Variants in KANSL1 observed in about 807,000 individuals in gnomAD.
The protein encoded by KANSL1 is MLL1/MLL complex subunit KANSL1.
In KANSL1, 22 loss-of-function variants were observed where a neutral mutation model predicts 103.6. The ratio of observed to expected loss-of-function variants is 0.21; its 90% CI spans 0.15 to 0.30. The LOEUF (loss-of-function observed/expected upper bound fraction) is 0.30, where lower values mean the gene tolerates loss of function less well. Among genes scored for constraint, KANSL1 ranks in the 10% least tolerant of loss-of-function variants. The pLI is 1.00. For synonymous variants in KANSL1, 600 were observed against 527.6 expected (o/e 1.14, Z -1.88); for missense variants, 1,337 against 1,399.8 (o/e 0.96, Z 0.72).
intron 2 of KANSL1, among the ~76,000 whole-genome samples, chr17:46,167,805 G>A (rs2532281): frequency 6.6e-6 from 1 of 152,148 alleles, no homozygotes; most frequent in Middle Eastern, 3.2e-3. Context: ...TCTATAGCTA[G>A]CATGTACCAA....
intron 1 of KANSL1, chr17:46,223,188 G>C (rs2048584225): frequency 6.6e-6 from 1 of 151,568 alleles, no homozygotes; most frequent in Non-Finnish European, 1.5e-5. Flanking sequence ...TAAACCAGCA[G>C]GTCTTAGAAT....
At chr17:46,144,153 T>C (rs2044574330) in intron 2 of KANSL1, among the ~76,000 whole-genome samples, 1 of 152,230 alleles carries the variant, frequency 6.6e-6, no homozygotes, top group Non-Finnish European at 1.5e-5. Context: ...CTACTATCAT[T>C]CTGAAGGAAG....
At chr17:46,164,254 C>A (rs1183193934) in intron 2 of KANSL1, among the ~76,000 whole-genome samples, 3 of 152,260 alleles carry the variant, frequency 2.0e-5, no homozygotes, top group African/African-American at 7.2e-5. Flanking sequence ...GCAACTATAT[C>A]TACGGTAAAT....
chr17:46,065,490 G>A (rs1199458929), intron 6 of KANSL1, among the ~76,000 whole-genome samples: 1 of 152,158 alleles, frequency 6.6e-6, no homozygotes, highest in Non-Finnish European at 1.5e-5. Flanking sequence ...CAGCCACTTT[G>A]TACGAGGAAC....
chr17:46,094,828 C>G, intron 2 of KANSL1, 127 bp from the exon 3 acceptor site: 1 of 1,102,760 alleles, frequency 9.1e-7, no homozygotes, highest in Non-Finnish European at 1.3e-6. Flanking sequence ...AAGAAAAACC[C>G]AAGAGAGAGA....
intron 2 of KANSL1, among the ~76,000 whole-genome samples, chr17:46,127,777 CAA>C (rs34472278): frequency 2.1e-5 from 3 of 143,210 alleles, no homozygotes; most frequent in Admixed American, 6.9e-5. Flanking sequence ...GACCCTGTCT[CAA>C]AAAAAAAAAA....
chr17:46,173,562 T>C (rs574438242), intron 1 of KANSL1, among the ~76,000 whole-genome samples: 2 of 152,212 alleles, frequency 1.3e-5, no homozygotes, highest in South Asian at 2.1e-4. Flanking sequence ...ACAGGCTATT[T>C]TGGAGGTTCG....
chr17:46,203,205 C>T (rs2047860998), intron 1 of KANSL1, among the ~76,000 whole-genome samples: 1 of 152,134 alleles, frequency 6.6e-6, no homozygotes, highest in South Asian at 2.1e-4. Context: ...CGCGCCACTG[C>T]ACTCCAGCCT....
intron 6 of KANSL1, among the ~76,000 whole-genome samples, chr17:46,060,757 T>C (rs1418892286): frequency 6.6e-6 from 1 of 152,232 alleles, no homozygotes; most frequent in East Asian, 1.9e-4. Flanking sequence ...CCTAGAATCA[T>C]ATATTAACAC....
At position 46,082,502 on chromosome 17, in the gene KANSL1, G is replaced by A; in HGVS notation, c.1472C>T (p.Thr491Ile). ...VLGEVPPPEH[T>I]TDLFLPLSSE... ...ACTAAGTGGAAGAAATAAGTCTGTT[G>A]TATGCTCTGGGGGAGGTACCTCCCC... is the stretch of plus-strand genomic sequence containing the variant. The change falls in exon 4 of 15, where the codon ACA (threonine) becomes ATA (isoleucine). Residue 491 changes from threonine (T) to isoleucine (I), a missense_variant. Thr to Ile is a moderately conservative substitution (Grantham distance 89, BLOSUM62 -1). Around this residue, in one of 2 missense-constraint regions of KANSL1, gnomAD observed 780 missense variants for 923.4 expected, o/e 0.84. Coordinates refer to ENST00000432791, the MANE Select transcript of KANSL1 (RefSeq NM_015443.4). 6.2e-7 allele frequency: 1 copy of A among 1,612,480 alleles called. No homozygotes were observed. The highest frequency in any genetic ancestry group is 1.1e-5 in the South Asian group (1 of 90,908).
intron 2 of KANSL1, among the ~76,000 whole-genome samples, chr17:46,159,623 A>T (rs895300967): frequency 1.3e-5 from 2 of 152,256 alleles, no homozygotes; most frequent in Non-Finnish European, 2.9e-5. Flanking sequence ...GGAAAATACT[A>T]AACACAAAGC....
upstream of KANSL1, among the ~76,000 whole-genome samples, chr17:46,198,138 T>C (rs2047674125): frequency 1.3e-5 from 2 of 151,942 alleles, no homozygotes; most frequent in Non-Finnish European, 2.9e-5. Flanking sequence ...ATGAAAAAGG[T>C]AGAGTGTAGT....
intron 1 of KANSL1, among the ~76,000 whole-genome samples, chr17:46,217,512 G>C (rs1047731904): frequency 1.3e-5 from 2 of 151,854 alleles, no homozygotes; most frequent in African/African-American, 4.8e-5. Context: ...AGGTCATAAA[G>C]TTAAAATGAG....
chr17:46,193,617 G>C (rs1220867215), upstream of KANSL1: 1 of 289,128 alleles, frequency 3.5e-6, no homozygotes, highest in Admixed American at 3.9e-5. Context: ...GCTCCTCGCC[G>C]TGGCCGATGT....
intron 1 of KANSL1, among the ~76,000 whole-genome samples, chr17:46,210,219 A>T (rs1010325512): frequency 5.9e-5 from 9 of 152,218 alleles, no homozygotes; most frequent in African/African-American, 2.2e-4. Flanking sequence ...TCATGCCTGT[A>T]ATCCCAGCAC....
chr17:46,134,704 G>A (rs1251377504), intron 2 of KANSL1, among the ~76,000 whole-genome samples: 1 of 151,996 alleles, frequency 6.6e-6, no homozygotes, highest in South Asian at 2.1e-4. Context: ...AATTAATCGA[G>A]CACGGTGGCA....
chr17:46,183,473 G>T (rs951725494), intron 1 of KANSL1, among the ~76,000 whole-genome samples: 2 of 152,106 alleles, frequency 1.3e-5, no homozygotes, highest in Non-Finnish European at 2.9e-5. Flanking sequence ...CTGGCGGGTG[G>T]AGGTCGCAGT....
At position 46,107,889 on chromosome 17, in the gene KANSL1, A is replaced by C. The variant is rs143182561; in HGVS notation, c.1290-13188T>G. Among the ~76,000 whole-genome samples, 420 of 152,120 alleles carry C rather than the reference A, an allele frequency of 2.8e-3. 2 individuals carry two copies. The highest frequency in any genetic ancestry group is 8.4e-3 in the African/African-American group (348 of 41,476). On this transcript the variant is annotated intron_variant, in intron 2 of 14. Transcript: ENST00000432791. ...TTAATTTCAACCCCCCACCACCTCTATCTCTCTCATAAACACACTCAATTG... is the reference window on the plus strand; with the variant it reads ...TTAATTTCAACCCCCCACCACCTCTCTCTCTCTCATAAACACACTCAATTG...
At chr17:46,083,331 A>G (rs1417826720) in intron 3 of KANSL1, among the ~76,000 whole-genome samples, 2 of 152,194 alleles carry the variant, frequency 1.3e-5, no homozygotes, top group Admixed American at 6.5e-5. Flanking sequence ...TATAACCGAA[A>G]GACTGGGATG....
Sources: gnomAD v4.1 joint callset for allele counts (sites outside exome capture counted in the v4.1 genomes callset) on GRCh38, gnomAD v4.1.1 for gene constraint, gnomAD v4.1.1 regional missense constraint, MANE v1.5 for transcripts, NCBI Gene and HGNC (gene_info 2026-07-23, HGNC 2026-07-21) for gene names.